WWOX: variants seen among roughly 807,000 people sequenced by gnomAD.
WWOX encodes WW domain containing oxidoreductase.
Under a neutral mutation model 46.2 loss-of-function variants are expected in WWOX, and 69 were observed. The observed-to-expected ratio is 1.49, with a 90% confidence interval of 1.23 to 1.82. The LOEUF is 1.82. WWOX is among the 40% of genes most tolerant of loss of function. The pLI, the probability that WWOX is intolerant of heterozygous loss-of-function variation, is 0.00. For missense variants in WWOX, 919 were observed against 542.6 expected (o/e 1.69, Z -6.89); for synonymous variants, 359 against 202.6 (o/e 1.77, Z -6.56).
intron 4 of WWOX, among the ~76,000 whole-genome samples, chr16:78,161,280 A>C (rs1334164922): frequency 6.6e-6 from 1 of 152,154 alleles, no homozygotes; most frequent in Non-Finnish European, 1.5e-5. Context: ...ATTTATATTT[A>C]ATGTAATGAC....
chr16:79,074,339 A>G (rs2048609957), intron 8 of WWOX, among the ~76,000 whole-genome samples: 1 of 150,652 alleles, frequency 6.6e-6, no homozygotes, highest in South Asian at 2.1e-4. Context: ...AGAGAAGTAA[A>G]CATCTGACTT....
At chr16:78,418,913 T>C (rs903713778) in intron 6 of WWOX, among the ~76,000 whole-genome samples, 1 of 152,150 alleles carries the variant, frequency 6.6e-6, no homozygotes, top group Admixed American at 6.6e-5. Context: ...CTCATCACTT[T>C]AATATTCTAC....
At chr16:78,966,541 G>A (rs1056230487) in intron 8 of WWOX, among the ~76,000 whole-genome samples, 7 of 151,612 alleles carry the variant, frequency 4.6e-5, no homozygotes, top group African/African-American at 7.3e-5. Flanking sequence ...CCCTAATAGT[G>A]AAAATTTAGA....
intron 8 of WWOX, among the ~76,000 whole-genome samples, chr16:78,453,513 T>G (rs2083741551): frequency 6.6e-6 from 1 of 152,218 alleles, no homozygotes. Flanking sequence ...TGGACGCTTG[T>G]AGACAGTAAG....
chr16:78,117,938 T>C (rs1315415816), intron 4 of WWOX, among the ~76,000 whole-genome samples: 3 of 152,176 alleles, frequency 2.0e-5, no homozygotes, highest in Non-Finnish European at 2.9e-5. Flanking sequence ...CAGGATTTAT[T>C]TTGAAAGTGG....
intron 8 of WWOX, chr16:78,534,247 C>A (rs949641993): frequency 1.3e-5 from 2 of 152,152 alleles, no homozygotes; most frequent in African/African-American, 4.8e-5. Flanking sequence ...ACAATATCTT[C>A]CTGAGAATGT....
intron 8 of WWOX, among the ~76,000 whole-genome samples, chr16:79,179,682 C>G (rs150118136): frequency 1.3e-5 from 2 of 152,320 alleles, no homozygotes; most frequent in East Asian, 1.9e-4. Flanking sequence ...CCTGATCTTT[C>G]TTTACCAGAT....
chr16:78,819,733 G>T (rs928304026), intron 8 of WWOX, among the ~76,000 whole-genome samples: 1 of 152,150 alleles, frequency 6.6e-6, no homozygotes, highest in African/African-American at 2.4e-5. Context: ...TCTGGGGTTC[G>T]CCTGCCCTGC....
At chr16:78,826,649 A>C (rs907028224) in intron 8 of WWOX, among the ~76,000 whole-genome samples, 1 of 152,188 alleles carries the variant, frequency 6.6e-6, no homozygotes, top group Non-Finnish European at 1.5e-5. Context: ...TCTCATGTCA[A>C]GATCCGTAAC....
chr16:78,410,864 A>G (rs1299093950), intron 6 of WWOX, among the ~76,000 whole-genome samples: 3 of 151,530 alleles, frequency 2.0e-5, no homozygotes, highest in South Asian at 2.1e-4. Flanking sequence ...AGTCTTGACT[A>G]TGAAAGGACC....
At chr16:78,609,013 G>GA (rs140377873) in intron 8 of WWOX, among the ~76,000 whole-genome samples, 3,556 of 152,106 alleles carry the variant, frequency 0.023, 131 homozygotes, top group African/African-American at 0.081. Context: ...TCATATTTGG[G>GA]ACCCTTTTTT....
intron 8 of WWOX, among the ~76,000 whole-genome samples, chr16:79,175,034 C>T (rs2050773173): frequency 6.6e-6 from 1 of 152,168 alleles, no homozygotes; most frequent in African/African-American, 2.4e-5. Context: ...TTCTAACCTC[C>T]CTCTCATTAT....
intron 8 of WWOX, among the ~76,000 whole-genome samples, chr16:78,669,485 C>T (rs78139564): frequency 0.011 from 1,673 of 152,254 alleles, 16 homozygotes; most frequent in South Asian, 0.037. Context: ...TCTAATGGGT[C>T]AAGGCCAGTG....
At chr16:78,442,549 T>G (rs1408793558) in intron 8 of WWOX, among the ~76,000 whole-genome samples, 1 of 152,176 alleles carries the variant, frequency 6.6e-6, no homozygotes, top group Non-Finnish European at 1.5e-5. Flanking sequence ...TCATAGAGTA[T>G]TTGTCTTTCT....
chr16:78,536,410 G>C (rs759368828), intron 8 of WWOX, among the ~76,000 whole-genome samples: 1 of 151,882 alleles, frequency 6.6e-6, no homozygotes, highest in Non-Finnish European at 1.5e-5. Flanking sequence ...CTGCCCCGGG[G>C]TCCTGTGAGG....
At chr16:78,494,486 G>C (rs539967410) in intron 8 of WWOX, among the ~76,000 whole-genome samples, 42 of 144,836 alleles carry the variant, frequency 2.9e-4, no homozygotes, top group Admixed American at 8.4e-4. Flanking sequence ...ACAAACACAA[G>C]CATTAAGCAA....
intron 8 of WWOX, among the ~76,000 whole-genome samples, chr16:79,133,559 G>T (rs1241562361): frequency 6.6e-6 from 1 of 152,096 alleles, no homozygotes; most frequent in African/African-American, 2.4e-5. Context: ...CCTTCATTCT[G>T]TTTCTTTATT....
At chr16:79,150,801 C>G (rs1441751070) in intron 8 of WWOX, among the ~76,000 whole-genome samples, 2 of 152,104 alleles carry the variant, frequency 1.3e-5, no homozygotes, top group Admixed American at 6.6e-5. Context: ...GTCACTGCAT[C>G]CAGCTTAAGT....
chr16:78,398,624 C>A (rs1439543060), intron 6 of WWOX, among the ~76,000 whole-genome samples: 1 of 152,174 alleles, frequency 6.6e-6, no homozygotes, highest in African/African-American at 2.4e-5. Flanking sequence ...ATTGATTTTA[C>A]TTCATTAAAC....
Sources: gnomAD v4.1 joint callset for allele counts (sites outside exome capture counted in the v4.1 genomes callset) on GRCh38, gnomAD v4.1.1 for gene constraint, MANE v1.5 for transcripts, NCBI Gene and HGNC (gene_info 2026-07-23, HGNC 2026-07-21) for gene names.